Variants in CYP3A7 observed in about 807,000 individuals in gnomAD.
The protein encoded by CYP3A7 is cytochrome P450 family 3 subfamily A member 7.
In CYP3A7, 45 loss-of-function variants were observed where a neutral mutation model predicts 55.2. That is an observed-to-expected ratio of 0.82 (90% CI 0.64 to 1.05). The LOEUF is 1.05. Among genes scored for constraint, CYP3A7 ranks in the 50% least tolerant of loss-of-function variants. CYP3A7 has a pLI of 0.00. For synonymous variants in CYP3A7, 180 were observed against 207.4 expected (o/e 0.87, Z 1.13); for missense variants, 548 against 605.3 (o/e 0.91, Z 0.99).
At chr7:99,722,550 T>C (rs1210519336) in intron 2 of CYP3A7, among the ~76,000 whole-genome samples, 3 of 152,290 alleles carry the variant, frequency 2.0e-5, no homozygotes, top group Non-Finnish European at 2.9e-5. Flanking sequence ...TCTTGAATTT[T>C]CTTTAAGTGT....
intron 6 of CYP3A7, among the ~76,000 whole-genome samples, 157 bp from the exon 7 acceptor site, chr7:99,716,063 A>G (rs1353362245): frequency 6.6e-6 from 1 of 152,150 alleles, no homozygotes; most frequent in Non-Finnish European, 1.5e-5. Flanking sequence ...ACTCCCTCAG[A>G]AGGTGATTAT....
chr7:99,720,486 G>C, intron 3 of CYP3A7, 74 bp from the exon 4 acceptor site: 2 of 1,538,740 alleles, frequency 1.3e-6, no homozygotes, highest in African/African-American at 2.7e-5. Context: ...CAGGAAGCCA[G>C]ACTTTGATCC....
chr7:99,728,686 T>G (rs2687135), intron 2 of CYP3A7, among the ~76,000 whole-genome samples: 108,661 of 152,146 alleles, frequency 0.71, 44,243 homozygotes, highest in Non-Finnish European at 0.91. Flanking sequence ...CAAATGGGAC[T>G]GAACAACTTC....
intron 2 of CYP3A7, among the ~76,000 whole-genome samples, chr7:99,726,148 C>A (rs986780025): frequency 6.6e-6 from 1 of 152,142 alleles, no homozygotes. Context: ...TGTATCCCCC[C>A]ACCTTAACCC....
intron 2 of CYP3A7, among the ~76,000 whole-genome samples, chr7:99,727,963 T>G (rs1334040236): frequency 6.6e-6 from 1 of 152,202 alleles, no homozygotes; most frequent in Non-Finnish European, 1.5e-5. Context: ...AGTCATTCAC[T>G]GCAAAGGCCA....
At chr7:99,722,616 T>C (rs1366383041) in intron 2 of CYP3A7, among the ~76,000 whole-genome samples, 1 of 152,220 alleles carries the variant, frequency 6.6e-6, no homozygotes, top group Non-Finnish European at 1.5e-5. Context: ...TCCTTGTCTT[T>C]CTGATGTCTC....
chr7:99,715,713 A>T (rs376811872), intron 7 of CYP3A7, 45 bp downstream of exon 7: 6 of 1,613,002 alleles, frequency 3.7e-6, no homozygotes, highest in Non-Finnish European at 5.1e-6. Flanking sequence ...TAAAGCAGTT[A>T]TTTTTAAGAG....
chr7:99,713,342 C>T (rs45527841), intron 9 of CYP3A7, 127 bp downstream of exon 9: 95,150 of 1,439,210 alleles, frequency 0.066, 3,589 homozygotes, highest in African/African-American at 0.13. Context: ...TTTTAACATC[C>T]AAACCTGTGT....
chr7:99,731,043 G>A lies in CYP3A7; in HGVS notation c.165+16C>T, dbSNP rs1218534557. On this transcript the variant is annotated intron_variant, in intron 2 of 12. Transcript: ENST00000336374. ...GCAATCATAAGAAGCAAAAGAGGAAGCTCAAAAACACTCACCTTACGGAAG... is the reference window on the plus strand; with the variant it reads ...GCAATCATAAGAAGCAAAAGAGGAAACTCAAAAACACTCACCTTACGGAAG... 1.2e-6 allele frequency: 2 copies of A among 1,613,542 alleles called. No homozygotes were observed. The highest frequency in any genetic ancestry group is 1.7e-6 in the Non-Finnish European group (2 of 1,179,566).
intron 9 of CYP3A7, 41 bp from the exon 10 acceptor site, chr7:99,710,933 T>C: frequency 6.2e-7 from 1 of 1,613,078 alleles, no homozygotes; most frequent in South Asian, 1.1e-5. Context: ...ATCAGGTCAA[T>C]GTAGGGCATC....
Position 99,717,283 on chromosome 7 carries a change from C to A in CYP3A7, c.433-18G>T. On this transcript the variant is annotated intron_variant, in intron 5 of 12. Coordinates refer to ENST00000336374, the MANE Select transcript of CYP3A7 (RefSeq NM_000765.5). ...GGGACCATCTAAGCACAAAACACAA[C>A]ACCACCCATAGTTAAATGTGCAGAC... is the stretch of plus-strand genomic sequence containing the variant. The A allele has an allele frequency of 6.2e-7, 1 of 1,613,874 alleles. No individual in the cohort carries two copies. Among genetic ancestry groups the A allele is most frequent in the Non-Finnish European group, 8.5e-7 (1 of 1,179,810 alleles).
In CYP3A7 at chr7:99,709,186, G is replaced by T. The variant is rs747706703; in HGVS notation, c.1102C>A (p.Pro368Thr). The change falls in exon 11 of 13, where the codon CCA (proline) becomes ACA (threonine). Residue 368 changes from proline (P) to threonine (T), a missense_variant. Physicochemically the swap from Pro to Thr is conservative, Grantham distance 38 (BLOSUM62 -1). Transcript: ENST00000336374. ...MVVNETLRLF[P>T]VAMRLERVCK... Reference sequence around the variant, plus strand: ...ACCCTCTCAAGTCTCATAGCAACTGGGAATAATCTGAGTGTTTCATTCACC... The same window carrying T: ...ACCCTCTCAAGTCTCATAGCAACTGTGAATAATCTGAGTGTTTCATTCACC... 5 of 1,613,786 alleles carry T rather than the reference G, an allele frequency of 3.1e-6. No homozygotes were observed. Among genetic ancestry groups the T allele is most frequent in the Admixed American group, 1.7e-5 (1 of 59,966 alleles).
At chr7:99,719,065 A>G (rs1479428575) in intron 4 of CYP3A7, among the ~76,000 whole-genome samples, 1 of 152,240 alleles carries the variant, frequency 6.6e-6, no homozygotes, top group African/African-American at 2.4e-5. Flanking sequence ...TAGTGAAGAT[A>G]AAGACTTTCC....
chr7:99,720,280 T>A, intron 4 of CYP3A7, 33 bp downstream of exon 4: 1 of 1,610,018 alleles, frequency 6.2e-7, no homozygotes, highest in Non-Finnish European at 8.5e-7. Context: ...AATCAATCAA[T>A]GAGTATTTTA....
intron 2 of CYP3A7, chr7:99,730,786 T>C (rs1039187128): frequency 1.2e-5 from 5 of 417,392 alleles, no homozygotes; most frequent in African/African-American, 8.1e-5. Context: ...ATGCTCTTTA[T>C]GGTGCTCACA....
intron 1 of CYP3A7, among the ~76,000 whole-genome samples, chr7:99,734,363 G>T (rs191132275): frequency 8.3e-4 from 126 of 152,274 alleles, no homozygotes; most frequent in Admixed American, 2.7e-3. Flanking sequence ...CTGGTGAGAA[G>T]ATTCACCCTC....
chr7:99,714,193 A>G (rs1037793256), intron 8 of CYP3A7, among the ~76,000 whole-genome samples: 3 of 152,214 alleles, frequency 2.0e-5, no homozygotes, highest in African/African-American at 7.2e-5. Flanking sequence ...TTACCAATCT[A>G]TGATCTAGAG....
At chr7:99,706,689 G>A (rs1271462703) in intron 12 of CYP3A7, among the ~76,000 whole-genome samples, 1 of 152,194 alleles carries the variant, frequency 6.6e-6, no homozygotes, top group East Asian at 1.9e-4. Context: ...TTTCCCTGCA[G>A]ACAGACATGC....
Position 99,720,317 on chromosome 7 carries a change from C to A in CYP3A7, c.314G>T (p.Arg105Leu), listed in dbSNP as rs574715990. 6.2e-7 allele frequency: 1 copy of A among 1,612,544 alleles called. No individual in the cohort carries two copies. Among genetic ancestry groups the A allele is most frequent in the Admixed American group, 1.7e-5 (1 of 59,982 alleles). ...TTTCAAAAAATGGATGCTTACCCTC[C>A]GGTTTGTGAAGACAGAATAACATTC... ...VKECYSVFTN[R>L]RPFGPVGFMK... is the part of the protein sequence containing the mutation. The change falls in exon 4 of 13, where the codon CGG (arginine) becomes CTG (leucine). Residue 105 changes from arginine (R) to leucine (L), a missense_variant. By Grantham distance (102) the Arg-to-Leu change is moderately radical. Transcript: ENST00000336374.
Sources: allele counts gnomAD v4.1 joint callset (sites outside exome capture counted in the v4.1 genomes callset), GRCh38; gene constraint gnomAD v4.1.1; transcripts MANE v1.5; gene names NCBI Gene and HGNC (gene_info 2026-07-23, HGNC 2026-07-21).